Variants in GLI2 observed in about 807,000 individuals in gnomAD.
The protein encoded by GLI2 is transcription activator GLI2.
In GLI2, 22 loss-of-function variants were observed where a neutral mutation model predicts 78.9. The observed-to-expected ratio is 0.28, with a 90% confidence interval of 0.20 to 0.40. The LOEUF is 0.40. Ranked by LOEUF, GLI2 falls within the 10% of genes least tolerant of loss-of-function variation. The probability of loss-of-function intolerance (pLI) is 1.00; values close to 1 mark genes in which losing one functional copy is unlikely to be tolerated. For synonymous variants in GLI2, 974 were observed against 963.7 expected, an observed-to-expected ratio of 1.01 and a Z score of -0.20; for missense variants, 2,097 against 2,213.2, an observed-to-expected ratio of 0.95 and a Z score of 1.05.
intron 2 of GLI2, among the ~76,000 whole-genome samples, chr2:120,925,965 C>T (rs995235971): frequency 3.6e-5 from 5 of 139,876 alleles, no homozygotes; most frequent in Non-Finnish European, 6.1e-5. Flanking sequence ...CCCAGCTACT[C>T]GGGAGGCTGA....
chr2:120,822,677 CAT>C (rs751462539), intron 2 of GLI2, among the ~76,000 whole-genome samples: 1 of 152,222 alleles, frequency 6.6e-6, no homozygotes, highest in Admixed American at 6.5e-5. Context: ...CCCTCACTCA[CAT>C]GTTAGTATGT....
chr2:120,843,652 A>G (rs947475331), intron 2 of GLI2, among the ~76,000 whole-genome samples: 1 of 152,016 alleles, frequency 6.6e-6, no homozygotes, highest in East Asian at 1.9e-4. Context: ...TGGATCAGGG[A>G]GGAGTGTGGT....
intron 2 of GLI2, among the ~76,000 whole-genome samples, chr2:120,923,418 C>T (rs913443551): frequency 2.0e-5 from 3 of 152,034 alleles, no homozygotes; most frequent in African/African-American, 7.3e-5. Flanking sequence ...TACATATACA[C>T]AGCAACACAC....
intron 2 of GLI2, among the ~76,000 whole-genome samples, chr2:120,895,400 T>C (rs1677894376): frequency 6.6e-6 from 1 of 152,024 alleles, no homozygotes; most frequent in Non-Finnish European, 1.5e-5. Context: ...TTGTTATGAA[T>C]AAAAAATACA....
chr2:120,742,522 T>C (rs1682579439), intron 1 of GLI2, among the ~76,000 whole-genome samples: 1 of 152,134 alleles, frequency 6.6e-6, no homozygotes, highest in South Asian at 2.1e-4. Flanking sequence ...AGCGTATCTT[T>C]GGCATACTTG....
intron 3 of GLI2, among the ~76,000 whole-genome samples, chr2:120,934,346 G>A (rs1327788263): frequency 6.6e-6 from 1 of 152,200 alleles, no homozygotes; most frequent in Admixed American, 6.5e-5. Context: ...GTATGGGGTG[G>A]GAACAGCTGC....
intron 1 of GLI2, among the ~76,000 whole-genome samples, chr2:120,743,440 CAA>C (rs1253562590): frequency 6.6e-6 from 1 of 151,202 alleles, no homozygotes; most frequent in Admixed American, 6.6e-5. Flanking sequence ...CCTGTCTCTA[CAA>C]AAAAATAAAA....
chr2:120,868,565 G>A (rs929731874), intron 2 of GLI2, among the ~76,000 whole-genome samples: 1 of 152,194 alleles, frequency 6.6e-6, no homozygotes, highest in Non-Finnish European at 1.5e-5. Context: ...AGGGGCAGCT[G>A]GCCCCCTCCC....
At chr2:120,920,900 G>GAAAA (rs11439015) in intron 2 of GLI2, among the ~76,000 whole-genome samples, 1 of 140,134 alleles carries the variant, frequency 7.1e-6, no homozygotes, top group Non-Finnish European at 1.5e-5. Flanking sequence ...TCTTTTACTT[G>GAAAA]AAAAAAAAAA....
At position 120,927,466 on chromosome 2, in the gene GLI2, G is replaced by C. The variant is rs1057518803; in HGVS notation, c.254G>C (p.Gly85Ala). The C allele has an allele frequency of 6.2e-7, 1 of 1,600,502 alleles. No individual in the cohort carries two copies. The highest frequency in any genetic ancestry group is 8.6e-7 in the Non-Finnish European group (1 of 1,167,614). The change falls in exon 3 of 14, where the codon GGG (glycine) becomes GCG (alanine). Residue 85 changes from glycine to alanine, a missense_variant and splice_region_variant. Physicochemically the swap from Gly to Ala is moderately conservative, Grantham distance 60. Transcript: ENST00000361492. ...CCTCATTCTGTCCACGGTGTGCACGGGTAAGTCCTGCCCTCTGCCTGCTGC... is the reference window on the plus strand; with the variant it reads ...CCTCATTCTGTCCACGGTGTGCACGCGTAAGTCCTGCCCTCTGCCTGCTGC... ...YEPHSVHGVH[G>A]PPALSGSPVI... is the part of the protein sequence containing the mutation.
intron 2 of GLI2, among the ~76,000 whole-genome samples, chr2:120,844,875 T>A (rs1257857471): frequency 6.6e-6 from 1 of 152,128 alleles, no homozygotes; most frequent in East Asian, 1.9e-4. Flanking sequence ...CACCTGTGAG[T>A]TGCTGCATGA....
intron 4 of GLI2, among the ~76,000 whole-genome samples, chr2:120,953,745 C>T (rs762399559): frequency 6.6e-6 from 1 of 152,058 alleles, no homozygotes; most frequent in Non-Finnish European, 1.5e-5. Flanking sequence ...ATTGGATTTT[C>T]GGAGGCCAGG....
intron 2 of GLI2, among the ~76,000 whole-genome samples, chr2:120,856,115 T>A (rs1343265689): frequency 6.6e-6 from 1 of 152,090 alleles, no homozygotes; most frequent in African/African-American, 2.4e-5. Flanking sequence ...CTGGAACTGA[T>A]CCCTGGGCTG....
chr2:120,787,326 C>T (rs1000396837), intron 1 of GLI2, among the ~76,000 whole-genome samples: 3 of 152,212 alleles, frequency 2.0e-5, no homozygotes, highest in South Asian at 2.1e-4. Context: ...TTGTCCTGTG[C>T]GCACTCACTG....
intron 2 of GLI2, among the ~76,000 whole-genome samples, chr2:120,837,669 T>G (rs1188110850): frequency 6.6e-6 from 1 of 152,260 alleles, no homozygotes; most frequent in Non-Finnish European, 1.5e-5. Flanking sequence ...CTGAGACTGT[T>G]TTGTCTTTGA....
At chr2:120,773,398 A>G (rs981822070) in intron 1 of GLI2, among the ~76,000 whole-genome samples, 4 of 152,094 alleles carry the variant, frequency 2.6e-5, no homozygotes, top group Non-Finnish European at 5.9e-5. Flanking sequence ...TATGTGTGGC[A>G]TCCTGTCACC....
At chr2:120,848,119 G>A (rs562246570) in intron 2 of GLI2, among the ~76,000 whole-genome samples, 2 of 152,326 alleles carry the variant, frequency 1.3e-5, no homozygotes, top group East Asian at 1.9e-4. Flanking sequence ...TCCGGCCCCC[G>A]CAGACCGCGC....
At chr2:120,923,039 G>A (rs1219651104) in intron 2 of GLI2, among the ~76,000 whole-genome samples, 1 of 151,882 alleles carries the variant, frequency 6.6e-6, no homozygotes, top group Non-Finnish European at 1.5e-5. Context: ...CACACCACAT[G>A]TACGTACACA....
At chr2:120,830,745 C>T (rs1686319497) in intron 2 of GLI2, among the ~76,000 whole-genome samples, 1 of 152,160 alleles carries the variant, frequency 6.6e-6, no homozygotes, top group South Asian at 2.1e-4. Context: ...ACTCCCTGCC[C>T]GTCCTGGTCC....
Sources: allele counts gnomAD v4.1 joint callset (sites outside exome capture counted in the v4.1 genomes callset), GRCh38; gene constraint gnomAD v4.1.1; transcripts MANE v1.5; gene names NCBI Gene and HGNC (gene_info 2026-07-23, HGNC 2026-07-21).